The following NGEF variants were observed in gnomAD, a reference collection of about 807,000 sequenced individuals.
NGEF encodes neuronal guanine nucleotide exchange factor.
NGEF carries 31 observed loss-of-function variants against 80.9 expected under a neutral mutation model. The observed-to-expected ratio is 0.38, with a 90% confidence interval of 0.29 to 0.52. The LOEUF is 0.52. NGEF is among the 20% of genes least tolerant of loss of function. The pLI, the probability that NGEF is intolerant of heterozygous loss-of-function variation, is 0.84. For synonymous variants in NGEF, 371 were observed against 370.2 expected, an observed-to-expected ratio of 1.00 and a Z score of -0.03; for missense variants, 709 against 926.2, an observed-to-expected ratio of 0.77 and a Z score of 3.04.
intron 4 of NGEF, among the ~76,000 whole-genome samples, chr2:232,920,888 A>G (rs1692928667): frequency 6.6e-6 from 1 of 152,190 alleles, no homozygotes; most frequent in Admixed American, 6.5e-5. Flanking sequence ...ACAAGAACCT[A>G]GAACCTGATG....
chr2:232,981,070 T>A lies in NGEF; in HGVS notation c.-74-6106A>T, dbSNP rs1297583386. On this transcript the variant is annotated intron_variant, in intron 1 of 14. Coordinates refer to ENST00000264051, the MANE Select transcript of NGEF (RefSeq NM_019850.3). ...GTCTTCTGCCTCTCAACTAGGGGAA[T>A]GGAGGGGTAAGGGTAGGAGAAGGTG... Among the ~76,000 whole-genome samples the A allele has an allele frequency of 2.7e-5, 4 of 150,890 alleles. No individual in the cohort carries two copies. The East Asian group carries it at 7.8e-4, about 29-fold the overall frequency.
chr2:232,932,430 G>T (rs1559213916), intron 3 of NGEF, among the ~76,000 whole-genome samples: 1 of 152,052 alleles, frequency 6.6e-6, no homozygotes, highest in Non-Finnish European at 1.5e-5. Flanking sequence ...CTCCCAAAGT[G>T]CTGGGATTAC....
chr2:232,987,025 C>T (rs1000847143), intron 1 of NGEF, among the ~76,000 whole-genome samples: 1 of 151,082 alleles, frequency 6.6e-6, no homozygotes, highest in Admixed American at 6.6e-5. Flanking sequence ...CTCTTTCTTT[C>T]TTTTTTTTTG....
intron 12 of NGEF, 27 bp downstream of exon 12, chr2:232,883,284 C>G: frequency 6.4e-7 from 1 of 1,566,928 alleles, no homozygotes; most frequent in Non-Finnish European, 8.7e-7. Flanking sequence ...ACGGGTAGCA[C>G]TGGGCGTGTG....
intron 3 of NGEF, among the ~76,000 whole-genome samples, chr2:232,961,013 G>A (rs1275465526): frequency 6.6e-6 from 1 of 152,140 alleles, no homozygotes; most frequent in African/African-American, 2.4e-5. Flanking sequence ...CTTTCCTCCT[G>A]CCGTGCTGCC....
At position 232,879,366 on chromosome 2, in the gene NGEF, G is replaced by A. The variant is rs533672384; in HGVS notation, c.*123C>T. ...CTGCGTGGGCAGGGATGAGGGCCGG[G>A]CACCCCAAGCCAGATCCTGCCACCT... On this transcript the variant is annotated 3_prime_UTR_variant, in exon 15 of 15. Transcript: ENST00000264051. The A allele has an allele frequency of 4.7e-5, 46 of 976,354 alleles. No individual in the cohort carries two copies. In the East Asian group the frequency reaches 8.6e-4, roughly 18 times the overall value. The allele number at this position is 976,354 out of a possible 1,614,324, so 60.5% of individuals were successfully genotyped here.
intron 3 of NGEF, among the ~76,000 whole-genome samples, chr2:232,933,601 C>G (rs1322780674): frequency 2.0e-5 from 3 of 152,246 alleles, no homozygotes; most frequent in Non-Finnish European, 2.9e-5. Context: ...GAAGCCCAGC[C>G]CCTTGTGCTG....
chr2:233,001,335 T>A (rs1344101893), intron 1 of NGEF, among the ~76,000 whole-genome samples: 1 of 152,192 alleles, frequency 6.6e-6, no homozygotes, highest in African/African-American at 2.4e-5. Flanking sequence ...TGGAAGCTTC[T>A]CTCAAGTGTG....
intron 3 of NGEF, among the ~76,000 whole-genome samples, chr2:232,930,051 G>C (rs1232381219): frequency 6.6e-6 from 1 of 152,176 alleles, no homozygotes; most frequent in Non-Finnish European, 1.5e-5. Flanking sequence ...GTGGAATTGT[G>C]AGTCCATTAA....
intron 3 of NGEF, among the ~76,000 whole-genome samples, chr2:232,930,317 T>TCC (rs1693192153): frequency 7.7e-6 from 1 of 130,368 alleles, no homozygotes. Flanking sequence ...CTGGGCTCTC[T>TCC]CTCTCTCTCT....
chr2:232,928,358 C>T (rs1331105225), intron 3 of NGEF, among the ~76,000 whole-genome samples: 1 of 151,358 alleles, frequency 6.6e-6, no homozygotes, highest in African/African-American at 2.4e-5. Context: ...CGTGCCCCGA[C>T]CCGGAGAGGG....
chr2:232,953,331 GA>G (rs1252685843), intron 3 of NGEF, among the ~76,000 whole-genome samples: 2 of 134,458 alleles, frequency 1.5e-5, no homozygotes, highest in Non-Finnish European at 1.6e-5. Flanking sequence ...GAAAAAGAAA[GA>G]AAAAAAGGGA....
At position 232,879,306 on chromosome 2, in the gene NGEF, T is replaced by G. The variant is rs965019894; in HGVS notation, c.*183A>C. 1 of 596,538 alleles carries G rather than the reference T, an allele frequency of 1.7e-6. No homozygotes were observed. The highest frequency in any genetic ancestry group is 2.9e-6 in the Non-Finnish European group (1 of 341,920). The allele number at this position is 596,538 out of a possible 1,614,324, so 37.0% of individuals were successfully genotyped here. A position where few individuals can be genotyped will look rare whatever the true frequency, so the allele number is the denominator to read the frequency against. On this transcript the variant is annotated 3_prime_UTR_variant, in exon 15 of 15. Coordinates refer to ENST00000264051, the MANE Select transcript of NGEF (RefSeq NM_019850.3). ...AGAGGCTTGGGCACCCTTTATCCAG[T>G]TTGCGAGCAAGGGGCCAAGACACAT...
At chr2:232,993,737 T>A (rs1694721381) in intron 1 of NGEF, among the ~76,000 whole-genome samples, 1 of 152,198 alleles carries the variant, frequency 6.6e-6, no homozygotes. Context: ...ATTATTAAGC[T>A]ATAGAAGAAA....
At chr2:232,912,494 C>T (rs72617185) in intron 5 of NGEF, among the ~76,000 whole-genome samples, 6,810 of 152,150 alleles carry the variant, frequency 0.045, 295 homozygotes, top group East Asian at 0.24. Context: ...TACTGTCTTT[C>T]TCTGATTTTT....
chr2:232,943,765 G>A (rs2106299267), intron 3 of NGEF, among the ~76,000 whole-genome samples: 1 of 151,290 alleles, frequency 6.6e-6, no homozygotes, highest in East Asian at 2.0e-4. Flanking sequence ...AAAGTGCTGG[G>A]ATTACAGGCG....
At chr2:232,897,792 G>A (rs970651019) in intron 5 of NGEF, among the ~76,000 whole-genome samples, 3 of 151,976 alleles carry the variant, frequency 2.0e-5, no homozygotes, top group African/African-American at 4.8e-5. Context: ...TCCCCACGTC[G>A]CATCTGCCTC....
chr2:232,927,851 C>CG, intron 3 of NGEF: 1 of 1,219,732 alleles, frequency 8.2e-7, no homozygotes, highest in South Asian at 3.1e-5. Context: ...AAGAGGCACG[C>CG]GGGGGCGGCG....
At chr2:232,961,127 T>C (rs1693943789) in intron 3 of NGEF, among the ~76,000 whole-genome samples, 1 of 152,154 alleles carries the variant, frequency 6.6e-6, no homozygotes, top group Non-Finnish European at 1.5e-5. Context: ...GAACATCCCA[T>C]GTCCCACATC....
Sources: allele counts gnomAD v4.1 joint callset (sites outside exome capture counted in the v4.1 genomes callset), GRCh38; gene constraint gnomAD v4.1.1; transcripts MANE v1.5; gene names NCBI Gene and HGNC (gene_info 2026-07-23, HGNC 2026-07-21).